The following SEC31A variants were observed in gnomAD, a reference collection of about 807,000 sequenced individuals.
SEC31A encodes protein transport protein Sec31A.
In SEC31A, 70 loss-of-function variants were observed where a neutral mutation model predicts 151.0. That is an observed-to-expected ratio of 0.46 (90% CI 0.38 to 0.57). The LOEUF (loss-of-function observed/expected upper bound fraction) is 0.57, where lower values mean the gene tolerates loss of function less well. Among genes scored for constraint, SEC31A ranks in the 20% least tolerant of loss-of-function variants. The pLI is 0.00. For synonymous variants in SEC31A, 475 were observed against 505.9 expected (o/e 0.94, Z 0.82); for missense variants, 1,330 against 1,471.2 (o/e 0.90, Z 1.57).
intron 20 of SEC31A, among the ~76,000 whole-genome samples, chr4:82,846,870 A>G (rs901842767): frequency 6.6e-6 from 1 of 152,060 alleles, no homozygotes. Flanking sequence ...ATGCGCCACC[A>G]TGCCAGCTAA....
At chr4:82,882,555 T>A (rs1404130599) in intron 1 of SEC31A, among the ~76,000 whole-genome samples, 1 of 152,140 alleles carries the variant, frequency 6.6e-6, no homozygotes, top group Admixed American at 6.5e-5. Flanking sequence ...CCTGAAGAAT[T>A]AACTTTGCTA....
At chr4:82,889,039 T>C (rs1209929995) in intron 1 of SEC31A, among the ~76,000 whole-genome samples, 2 of 152,342 alleles carry the variant, frequency 1.3e-5, no homozygotes, top group East Asian at 1.9e-4. Flanking sequence ...AGGCAAAATA[T>C]CTCAATATGG....
intron 22 of SEC31A, among the ~76,000 whole-genome samples, chr4:82,837,517 G>A (rs551640235): frequency 6.6e-6 from 1 of 151,992 alleles, no homozygotes; most frequent in Non-Finnish European, 1.5e-5. Context: ...CCAAGTAGCT[G>A]GGAATATAGG....
Position 82,844,704 on chromosome 4 carries a change from A to G in SEC31A, c.2503-195T>C, listed in dbSNP as rs182213189. On this transcript the variant is annotated intron_variant, in intron 20 of 26. Transcript: ENST00000395310. ...TGAGCAGCACATTTTGAATGATTAA[A>G]GATCAGACAGATCCAAAGTAATAAT... Among the ~76,000 whole-genome samples the G allele has an allele frequency of 7.0e-3, 1,071 of 152,386 alleles. 20 individuals carry two copies. Among genetic ancestry groups the G allele is most frequent in the African/African-American group, 0.025 (1,028 of 41,582 alleles).
chr4:82,891,090 G>A lies in SEC31A; in HGVS notation c.-7C>T. The A allele has an allele frequency of 6.5e-7, 1 of 1,535,978 alleles. No individual in the cohort carries two copies. Among genetic ancestry groups the A allele is most frequent in the East Asian group, 2.4e-5 (1 of 40,902 alleles). ...CAAAAAGCAACGGGCGGACGCACCT[G>A]GCGAGGACCTTCGGCAGCCGGATCC... On this transcript the variant is annotated splice_region_variant and 5_prime_UTR_variant, in exon 1 of 27. Coordinates refer to ENST00000395310, the MANE Select transcript of SEC31A (RefSeq NM_001077207.4).
At chr4:82,866,686 C>A in intron 10 of SEC31A, 122 bp downstream of exon 10, 5 of 839,646 alleles carry the variant, frequency 6.0e-6, no homozygotes, top group South Asian at 3.2e-5. Context: ...GATGAAATAC[C>A]CACAAGTACA....
chr4:82,877,429 A>ATGTGT (rs1329606655), intron 4 of SEC31A: 16 of 150,702 alleles, frequency 1.1e-4, no homozygotes, highest in African/African-American at 3.9e-4. Flanking sequence ...CCCAGGTTGC[A>ATGTGT]GTGCAGTGGT....
rs544371447 is a variant in SEC31A at position 82,844,607 on chromosome 4, T to TAA, written c.2503-100_2503-99dup. The TAA allele has an allele frequency of 5.6e-6, 7 of 1,253,336 alleles. No individual in the cohort carries two copies. The African/African-American group carries it at 9.2e-5, about 16-fold the overall frequency. The allele number at this position is 1,253,336 out of a possible 1,614,324, so 77.6% of individuals were successfully genotyped here. On this transcript the variant is annotated intron_variant, in intron 20 of 26. Transcript: ENST00000395310. ...TCTGAAATGGAATTCTATGTTTATT[T>TAA]AAAAAAAAACTTTATTGCATAAGAA...
At chr4:82,882,865 C>A (rs140718939) in intron 1 of SEC31A, among the ~76,000 whole-genome samples, 261 of 152,256 alleles carry the variant, frequency 1.7e-3, no homozygotes, top group African/African-American at 6.2e-3. Flanking sequence ...TGCTTGCAAT[C>A]GCAGCACTTT....
chr4:82,835,047 A>G (rs1726883983), intron 22 of SEC31A, among the ~76,000 whole-genome samples: 1 of 152,074 alleles, frequency 6.6e-6, no homozygotes, highest in South Asian at 2.1e-4. Context: ...GGGTTTCATC[A>G]TGTTGGCCAG....
At chr4:82,845,100 G>A in intron 20 of SEC31A, 1 of 736,614 alleles carries the variant, frequency 1.4e-6, no homozygotes, top group Non-Finnish European at 2.2e-6. Context: ...AGATGGATGG[G>A]GAGTGGGGGT....
At chr4:82,828,673 CAAAAAAAAA>C (rs397994259) in intron 23 of SEC31A, among the ~76,000 whole-genome samples, 3 of 44,116 alleles carry the variant, frequency 6.8e-5, no homozygotes, top group African/African-American at 9.2e-5. Context: ...CAAAGTAACT[CAAAAAAAAA>C]AAAAAAAAAA....
In SEC31A at chr4:82,875,704, G is replaced by C. The variant is rs540572922; in HGVS notation, c.498+23C>G. ...TACTTTTGGCTTTTTTGATTACAAT[G>C]ATCAAAATCAATATAAAAATACCTG... On this transcript the variant is annotated intron_variant, in intron 5 of 26. Transcript: ENST00000395310. The C allele has an allele frequency of 2.1e-6, 3 of 1,432,386 alleles. No individual in the cohort carries two copies. In the African/African-American group the frequency reaches 4.2e-5, roughly 20 times the overall value. The allele number at this position is 1,432,386 out of a possible 1,614,324, so 88.7% of individuals were successfully genotyped here. A position where few individuals can be genotyped will look rare whatever the true frequency, so the allele number is the denominator to read the frequency against.
At position 82,842,307 on chromosome 4, in the gene SEC31A, G is replaced by A. The variant is rs1466983243; in HGVS notation, c.2801C>T (p.Ser934Leu). ...AGAAGTAGCAGGGCTGGAGGTAGGT[G>A]AAGAGGCCTGGTGCTGTGCTGCGTA... The part of the protein sequence containing the change: ...QLYAAQHQAS[S>L]PTSSPATSFP... Residue 934 changes from serine (S) to leucine (L), a missense_variant, in exon 22 of 27, where the codon TCA (serine) becomes TTA (leucine). Coordinates refer to ENST00000395310, the MANE Select transcript of SEC31A (RefSeq NM_001077207.4). 6.2e-7 allele frequency: 1 copy of A among 1,613,498 alleles called. No homozygotes were observed. The highest frequency in any genetic ancestry group is 1.1e-5 in the South Asian group (1 of 91,014).
In SEC31A at chr4:82,839,831, TA is replaced by T. The variant is rs561741608; in HGVS notation, c.2968+2308del. Reference sequence around the variant, plus strand: ...TAGTCACTCTGTTTCTCAGCCAGGTTAAAACATTCTGTTACTTTGTATATAA... The same window carrying T: ...TAGTCACTCTGTTTCTCAGCCAGGTTAAACATTCTGTTACTTTGTATATAA... On this transcript the variant is annotated intron_variant, in intron 22 of 26. Transcript: ENST00000395310. Among the ~76,000 whole-genome samples, 28 of 152,348 alleles carry T rather than the reference TA, an allele frequency of 1.8e-4. 1 individual carries two copies. In the South Asian group the frequency reaches 5.8e-3, roughly 32 times the overall value.
intron 14 of SEC31A, 112 bp downstream of exon 14, chr4:82,861,519 T>C: frequency 1.6e-6 from 1 of 629,736 alleles, no homozygotes; most frequent in Non-Finnish European, 2.8e-6. Context: ...AAGAAAACAA[T>C]TTACTTCAAC....
intron 16 of SEC31A, 59 bp from the exon 17 acceptor site, chr4:82,855,088 TTC>T (rs1353169978): frequency 7.2e-7 from 1 of 1,393,492 alleles, no homozygotes; most frequent in African/African-American, 1.5e-5. Context: ...TAAAAATTAA[TTC>T]TGACTAATTA....
At chr4:82,835,020 A>G (rs1177570011) in intron 22 of SEC31A, among the ~76,000 whole-genome samples, 1 of 152,028 alleles carries the variant, frequency 6.6e-6, no homozygotes, top group Non-Finnish European at 1.5e-5. Flanking sequence ...TAAGTTTTGT[A>G]TATTTAGTAG....
intron 19 of SEC31A, among the ~76,000 whole-genome samples, chr4:82,849,888 T>A (rs1357187192): frequency 6.6e-6 from 1 of 152,122 alleles, no homozygotes; most frequent in Non-Finnish European, 1.5e-5. Context: ...GATTTTAGTA[T>A]CTTTAAAAAT....
Sources: gnomAD v4.1 joint callset for allele counts (sites outside exome capture counted in the v4.1 genomes callset) on GRCh38, gnomAD v4.1.1 for gene constraint, MANE v1.5 for transcripts, NCBI Gene and HGNC (gene_info 2026-07-23, HGNC 2026-07-21) for gene names.